Variants in CSRNP1 observed in about 807,000 individuals in gnomAD.
The protein encoded by CSRNP1 is cysteine and serine rich nuclear protein 1.
CSRNP1 carries 8 observed loss-of-function variants against 25.0 expected under a neutral mutation model. The ratio of observed to expected loss-of-function variants is 0.32; its 90% confidence interval spans 0.19 to 0.58. The LOEUF (loss-of-function observed/expected upper bound fraction) is 0.58. Ranked by LOEUF, CSRNP1 falls within the 20% of genes least tolerant of loss-of-function variation. The pLI is 0.88. For synonymous variants in CSRNP1, 305 were observed against 303.1 expected (o/e 1.01, Z -0.06); for missense variants, 691 against 773.1 (o/e 0.89, Z 1.26).
chr3:39,144,097 C>A (rs746973298), intron 4 of CSRNP1, 40 bp downstream of exon 4: 2 of 1,606,006 alleles, frequency 1.2e-6, no homozygotes, highest in Non-Finnish European at 1.7e-6. Flanking sequence ...GCAAAGAAGT[C>A]CCCACGCTCA....
chr3:39,153,818 G>C (rs915351487), upstream of CSRNP1: 3 of 144,034 alleles, frequency 2.1e-5, no homozygotes, highest in East Asian at 6.5e-4. Context: ...GCCCTCTCCC[G>C]CCAGCGCCCT....
Position 39,143,170 on chromosome 3 carries a change from A to G in CSRNP1, c.1655T>C (p.Phe552Ser), listed in dbSNP as rs762266789. 17 of 1,614,086 alleles carry G rather than the reference A, an allele frequency of 1.1e-5. No individual in the cohort carries two copies. Among genetic ancestry groups the G allele is most frequent in the Non-Finnish European group, 1.4e-5 (17 of 1,180,048 alleles). The change falls in exon 5 of 5, where the codon TTC (phenylalanine) becomes TCC (serine). Residue 552 changes from phenylalanine to serine, a missense_variant. Phe to Ser is a radical substitution (Grantham distance 155). Coordinates refer to ENST00000273153, the MANE Select transcript of CSRNP1 (RefSeq NM_033027.4). ...GGAGAAGCCCATGAGGGACTCCAGG[A>G]AGCAACTGCTGGCATCCCCAGGTGG... ...LSPPGDASSC[F>S]LESLMGFSEP...
Position 39,142,862 on chromosome 3 carries a change from C to A in CSRNP1, c.*193G>T, listed in dbSNP as rs704960. On this transcript the variant is annotated 3_prime_UTR_variant, in exon 5 of 5. Coordinates refer to ENST00000273153, the MANE Select transcript of CSRNP1 (RefSeq NM_033027.4). Reference sequence around the variant, plus strand: ...GCTGAAAGGGGAAGCCCCCTCCCCCCAGTCCTCTCTTCAGCACAGAAAAGT... The same window carrying A: ...GCTGAAAGGGGAAGCCCCCTCCCCCAAGTCCTCTCTTCAGCACAGAAAAGT... 1.8e-3 allele frequency: 1,037 copies of A among 580,124 alleles called. 14 individuals carry two copies. The highest frequency in any genetic ancestry group is 0.016 in the African/African-American group (867 of 53,030). The allele number at this position is 580,124 out of a possible 1,614,324, so 35.9% of individuals were successfully genotyped here.
rs2039489611 is a variant in CSRNP1, at chr3:39,145,180, G to A, written c.282C>T (p.Phe94=). ...VAFDGITVFY[F]PRCQGFTSVP... is the part of the protein sequence containing the mutation. Reference sequence around the variant, plus strand: ...CACTGGTGAAGCCCTGGCAGCGGGGGAAGTAGAAGACGGTGATCCCATCAA... The same window carrying A: ...CACTGGTGAAGCCCTGGCAGCGGGGAAAGTAGAAGACGGTGATCCCATCAA... Residue 94 remains phenylalanine (F), a synonymous_variant, in exon 3 of 5, where the codon TTC becomes TTT. Transcript: ENST00000273153. The A allele has an allele frequency of 6.2e-7, 1 of 1,614,224 alleles. No individual in the cohort carries two copies. The highest frequency in any genetic ancestry group is 1.3e-5 in the African/African-American group (1 of 75,080).
At chr3:39,144,848 C>CTCCA (rs1156752879) in intron 3 of CSRNP1, 149 bp downstream of exon 3, 1 of 985,420 alleles carries the variant, frequency 1.0e-6, no homozygotes, top group Non-Finnish European at 1.5e-6. Flanking sequence ...AGGCAACAGG[C>CTCCA]TCCAATCAAG....
chr3:39,154,279 T>TC (rs2039628409), upstream of CSRNP1: 3 of 152,126 alleles, frequency 2.0e-5, no homozygotes, highest in Non-Finnish European at 4.4e-5. Flanking sequence ...GCTTCCCCAC[T>TC]CCCACCTCAA....
In CSRNP1 at chr3:39,146,711, G is replaced by C. The variant is rs375357616; in HGVS notation, c.-29C>G. ...GGTGCCGGACGTGCTCTGGGGTCTGGGGACAGACAGCCTGGAATAGGAATG... is the reference window on the plus strand; with the variant it reads ...GGTGCCGGACGTGCTCTGGGGTCTGCGGACAGACAGCCTGGAATAGGAATG... On this transcript the variant is annotated 5_prime_UTR_variant, in exon 2 of 5. Coordinates refer to ENST00000273153, the MANE Select transcript of CSRNP1 (RefSeq NM_033027.4). 9 of 1,551,594 alleles carry C rather than the reference G, an allele frequency of 5.8e-6. No homozygotes were observed. In the African/African-American group the frequency reaches 1.1e-4, roughly 19 times the overall value.
intron 1 of CSRNP1, chr3:39,149,686 G>A (rs1359342594): frequency 6.6e-6 from 1 of 152,352 alleles, no homozygotes; most frequent in Non-Finnish European, 1.5e-5. Context: ...AGAAGCTGAA[G>A]CTGACCTGGC....
chr3:39,150,574 T>C (rs1426638455), intron 1 of CSRNP1: 1 of 152,334 alleles, frequency 6.6e-6, no homozygotes, highest in East Asian at 1.9e-4. Flanking sequence ...CAAGCAAGAA[T>C]GGTGCTCAAA....
Position 39,144,978 on chromosome 3 carries a change from C to CG in CSRNP1, c.465+18dup. The CG allele has an allele frequency of 1.3e-6, 2 of 1,587,276 alleles. No individual in the cohort carries two copies. The highest frequency in any genetic ancestry group is 1.7e-4 in the Middle Eastern group (1 of 5,892). On this transcript the variant is annotated intron_variant, in intron 3 of 4. Coordinates refer to ENST00000273153, the MANE Select transcript of CSRNP1 (RefSeq NM_033027.4). ...AGGAGCTGCCTCAGGAGGTGCGCCACGGAGAGGACTCTCTCTACCTTCCAC... is the reference window on the plus strand; with the variant it reads ...AGGAGCTGCCTCAGGAGGTGCGCCACGGGAGAGGACTCTCTCTACCTTCCAC...
rs759182414 is a variant in CSRNP1, at chr3:39,143,368, C to A, written c.1457G>T (p.Ser486Ile). 33 of 1,614,056 alleles carry A rather than the reference C, an allele frequency of 2.0e-5. No homozygotes were observed. The highest frequency in any genetic ancestry group is 3.4e-6 in the Non-Finnish European group (4 of 1,180,030). Residue 486 changes from serine (S) to isoleucine (I), a missense_variant, in exon 5 of 5, where the codon AGC becomes ATC. Coordinates refer to ENST00000273153, the MANE Select transcript of CSRNP1 (RefSeq NM_033027.4). ...GSLPGTSVPP[S>I]MDAGRSSSVD... ...TGAGCTACTCCGGCCAGCGTCCATG[C>A]TGGGTGGCACTGAGGTGCCAGGAAG...
rs1465083297 is a variant in CSRNP1 at position 39,153,567 on chromosome 3, G to A, written c.-170C>T. On this transcript the variant is annotated 5_prime_UTR_variant, in exon 1 of 5. Transcript: ENST00000273153. ...AGCCGCCCCTCGCTCTGCGCGTCCG[G>A]CAGCGGCGGCGGCGGCGGGAGACTG... The A allele has an allele frequency of 6.5e-6, 1 of 154,620 alleles. No homozygotes were observed. Among genetic ancestry groups the A allele is most frequent in the Non-Finnish European group, 1.4e-5 (1 of 69,932 alleles). The allele number at this position is 154,620 out of a possible 1,614,324, so 9.6% of individuals were successfully genotyped here.
At chr3:39,147,211 C>CTGTGTGTGTGTGTGTGTGTGTGTG (rs10679310) in intron 1 of CSRNP1, among the ~76,000 whole-genome samples, 3 of 148,566 alleles carry the variant, frequency 2.0e-5, no homozygotes, top group African/African-American at 5.0e-5. Flanking sequence ...ATCTGTGTGC[C>CTGTGTGTGTGTGTGTGTGTGTGTG]TGTGTGTGTG....
In CSRNP1 at chr3:39,145,139, C is replaced by G; in HGVS notation, c.323G>C (p.Gly108Ala). 1 of 1,614,276 alleles carries G rather than the reference C, an allele frequency of 6.2e-7. No individual in the cohort carries two copies. The highest frequency in any genetic ancestry group is 8.5e-7 in the Non-Finnish European group (1 of 1,180,042). ...QGFTSVPSRG[G>A]CTLGMALRHS... is the part of the protein sequence containing the mutation. ...GCGAAGGGCCATACCCAGAGTACAG[C>G]CACCACGGCTGGGCACACTGGTGAA... Residue 108 changes from glycine (G) to alanine (A), a missense_variant, in exon 3 of 5, where the codon GGC becomes GCC. Gly to Ala is a moderately conservative substitution (Grantham distance 60, BLOSUM62 0). Transcript: ENST00000273153.
At chr3:39,153,703 C>T (rs2039618367), upstream of CSRNP1, 1 of 151,952 alleles carries the variant, frequency 6.6e-6, no homozygotes, top group East Asian at 1.9e-4. Context: ...CAGCCCCGCC[C>T]CGGAGGCGCC....
chr3:39,145,321 G>C (rs1326831887), intron 2 of CSRNP1, 65 bp from the exon 3 acceptor site: 1 of 1,499,514 alleles, frequency 6.7e-7, no homozygotes, highest in Non-Finnish European at 8.9e-7. Context: ...CCTCCAAAAA[G>C]ATCATGCCAG....
intron 1 of CSRNP1, chr3:39,148,819 CATGGAGGCCACGTGGCCGT>C (rs63749765): frequency 0.43 from 66,092 of 152,070 alleles, 15,484 homozygotes; most frequent in East Asian, 0.64. Context: ...CAGGAGGTAT[CATGGAGGCCACGTGGCCGT>C]GTTAAGAGCT....
chr3:39,153,411 C>T, intron 1 of CSRNP1, 27 bp downstream of exon 1: 2 of 282,096 alleles, frequency 7.1e-6, no homozygotes, highest in South Asian at 2.4e-5. Context: ...TCCCGTCCTG[C>T]CGGGCCCGAG....
intron 1 of CSRNP1, chr3:39,148,841 T>TAA (rs1479476513): frequency 4.6e-5 from 7 of 151,558 alleles, no homozygotes; most frequent in Non-Finnish European, 8.8e-5. Flanking sequence ...GTGGCCGTGT[T>TAA]AAGAGCTTCG....
Sources: allele counts gnomAD v4.1 joint callset (sites outside exome capture counted in the v4.1 genomes callset), GRCh38; gene constraint gnomAD v4.1.1; transcripts MANE v1.5; gene names NCBI Gene and HGNC (gene_info 2026-07-23, HGNC 2026-07-21).